KHDRBS2: variants seen among roughly 807,000 people sequenced by gnomAD.
KHDRBS2 encodes KH domain-containing, RNA-binding, signal transduction-associated protein 2.
Under a neutral mutation model 44.3 loss-of-function variants are expected in KHDRBS2, and 26 were observed. The ratio of observed to expected loss-of-function variants is 0.59; its 90% CI spans 0.43 to 0.81. The LOEUF (loss-of-function observed/expected upper bound fraction) is 0.81. Ranked by LOEUF, KHDRBS2 falls within the 40% of genes least tolerant of loss-of-function variation. The probability of loss-of-function intolerance (pLI) is 0.00; values close to 1 mark genes in which losing one functional copy is unlikely to be tolerated. For missense variants in KHDRBS2, 476 were observed against 433.1 expected (o/e 1.10, Z -0.88); for synonymous variants, 194 against 151.1 (o/e 1.28, Z -2.08).
chr6:62,053,060 A>G (rs1207152010), intron 2 of KHDRBS2, among the ~76,000 whole-genome samples: 2 of 152,100 alleles, frequency 1.3e-5, no homozygotes, highest in African/African-American at 4.8e-5. Context: ...TCACTACAGT[A>G]AACATTTTGC....
chr6:61,564,128 A>T, the KHDRBS2 span, among the ~76,000 whole-genome samples: 8 of 152,064 alleles, frequency 5.3e-5, no homozygotes, highest in South Asian at 2.1e-4. Context: ...CAGAAAACAA[A>T]TTTTTCTCAA....
intron 3 of KHDRBS2, among the ~76,000 whole-genome samples, chr6:61,998,226 T>C (rs1459081407): frequency 2.0e-5 from 3 of 152,130 alleles, no homozygotes; most frequent in Admixed American, 2.0e-4. Flanking sequence ...TTTAATGCAG[T>C]TTAATTAAGG....
intron 5 of KHDRBS2, among the ~76,000 whole-genome samples, chr6:61,896,088 C>G (rs1583390011): frequency 6.6e-6 from 1 of 152,120 alleles, no homozygotes; most frequent in Admixed American, 6.5e-5. Context: ...GCAAGTACAA[C>G]ATGGCTAAGA....
the KHDRBS2 span, among the ~76,000 whole-genome samples, chr6:61,605,306 C>T: frequency 6.6e-6 from 1 of 152,182 alleles, no homozygotes; most frequent in Non-Finnish European, 1.5e-5. Flanking sequence ...TTCATAAATG[C>T]CCTGCTCTTG....
chr6:61,901,087 T>C (rs59703054), intron 5 of KHDRBS2, among the ~76,000 whole-genome samples, 157 bp downstream of exon 5: 4,287 of 152,272 alleles, frequency 0.028, 201 homozygotes, highest in African/African-American at 0.098. Context: ...TGTAAAGCTC[T>C]TCTGTGCCTG....
At chr6:61,869,964 GTTTTTTTTTT>G (rs59518436) in intron 6 of KHDRBS2, among the ~76,000 whole-genome samples, 8 of 108,980 alleles carry the variant, frequency 7.3e-5, no homozygotes, top group African/African-American at 1.9e-4. Context: ...CTGCAGGAGT[GTTTTTTTTTT>G]TTTTTTTTTT....
chr6:61,640,440 C>T, the KHDRBS2 span, among the ~76,000 whole-genome samples: 28 of 152,182 alleles, frequency 1.8e-4, no homozygotes, highest in African/African-American at 6.7e-4. Context: ...ATTTTCATTT[C>T]ACAGTGTGTA....
At chr6:62,186,014 T>G (rs1210374709) in intron 1 of KHDRBS2, among the ~76,000 whole-genome samples, 1 of 151,998 alleles carries the variant, frequency 6.6e-6, no homozygotes, top group African/African-American at 2.4e-5. Context: ...TTCACCCTAA[T>G]GTGGGAATCA....
At chr6:61,684,019 T>C (rs1323324132) in intron 8 of KHDRBS2, among the ~76,000 whole-genome samples, 2 of 151,932 alleles carry the variant, frequency 1.3e-5, no homozygotes, top group African/African-American at 2.4e-5. Context: ...TTGGTAACAA[T>C]AGCAAAGAGA....
At chr6:61,656,320 A>G in the KHDRBS2 span, among the ~76,000 whole-genome samples, 458 of 152,072 alleles carry the variant, frequency 3.0e-3, 4 homozygotes, top group African/African-American at 0.011. Context: ...TGAGTGCATC[A>G]TATATATTAA....
intron 3 of KHDRBS2, among the ~76,000 whole-genome samples, chr6:61,991,880 T>C (rs926709517): frequency 1.4e-4 from 21 of 152,300 alleles, no homozygotes; most frequent in African/African-American, 4.8e-4. Context: ...ATTGTATAGA[T>C]GTTGCCCACT....
At chr6:61,848,750 T>C (rs2127281382) in intron 6 of KHDRBS2, among the ~76,000 whole-genome samples, 1 of 150,316 alleles carries the variant, frequency 6.7e-6, no homozygotes, top group Non-Finnish European at 1.5e-5. Context: ...TATATCTCTT[T>C]TATGATATTT....
At chr6:62,223,373 C>T (rs918809228) in intron 1 of KHDRBS2, among the ~76,000 whole-genome samples, 2 of 152,138 alleles carry the variant, frequency 1.3e-5, no homozygotes, top group African/African-American at 4.8e-5. Flanking sequence ...AGGTTGGGGA[C>T]CCTGGGTCAG....
At chr6:62,195,643 G>A (rs532058286) in intron 1 of KHDRBS2, among the ~76,000 whole-genome samples, 1 of 152,200 alleles carries the variant, frequency 6.6e-6, no homozygotes, top group East Asian at 1.9e-4. Context: ...GCTAAGGAAT[G>A]AATAAAAATC....
chr6:62,087,171 A>G (rs1241915329), intron 2 of KHDRBS2, among the ~76,000 whole-genome samples: 2 of 152,126 alleles, frequency 1.3e-5, no homozygotes, highest in African/African-American at 4.8e-5. Context: ...TGCAGTTATT[A>G]TAACTTAAAA....
chr6:62,194,811 ATTTC>A (rs970280849), intron 1 of KHDRBS2, among the ~76,000 whole-genome samples: 1 of 151,664 alleles, frequency 6.6e-6, no homozygotes, highest in Non-Finnish European at 1.5e-5. Flanking sequence ...CCGGCCTACA[ATTTC>A]TTTATTATTG....
intron 1 of KHDRBS2, among the ~76,000 whole-genome samples, chr6:62,258,969 T>C (rs558202361): frequency 8.6e-5 from 13 of 151,902 alleles, no homozygotes; most frequent in Non-Finnish European, 1.9e-4. Context: ...GAGAAGAAAA[T>C]TAGGAAAAGG....
intron 6 of KHDRBS2, among the ~76,000 whole-genome samples, chr6:61,767,524 T>G (rs546135754): frequency 6.6e-6 from 1 of 152,108 alleles, no homozygotes; most frequent in African/African-American, 2.4e-5. Context: ...TTGTCATCTT[T>G]TCCTCCCTCC....
chr6:62,084,173 T>C (rs1262399124), intron 2 of KHDRBS2, among the ~76,000 whole-genome samples: 1 of 152,132 alleles, frequency 6.6e-6, no homozygotes, highest in African/African-American at 2.4e-5. Context: ...TTTGGTATCT[T>C]TGTATAATAT....
Sources: gnomAD v4.1 joint callset for allele counts (sites outside exome capture counted in the v4.1 genomes callset) on GRCh38, gnomAD v4.1.1 for gene constraint, MANE v1.5 for transcripts, NCBI Gene and HGNC (gene_info 2026-07-23, HGNC 2026-07-21) for gene names.